Variants in CYP4V2 observed in about 807,000 individuals in gnomAD.
The protein encoded by CYP4V2 is cytochrome P450 4V2.
CYP4V2 carries 55 observed loss-of-function variants against 60.8 expected under a neutral mutation model. That is an observed-to-expected ratio of 0.90 (90% confidence interval 0.73 to 1.13). CYP4V2 has a LOEUF of 1.13. Ranked by LOEUF, CYP4V2 falls within the 50% of genes most tolerant of loss-of-function variation. The pLI, the probability that CYP4V2 is intolerant of heterozygous loss-of-function variation, is 0.00. For missense variants in CYP4V2, 675 were observed against 662.9 expected (o/e 1.02, Z -0.20); for synonymous variants, 239 against 236.8 (o/e 1.01, Z -0.08).
chr4:186,210,108 G>A (rs10028227), intron 10 of CYP4V2, among the ~76,000 whole-genome samples: 352 of 152,238 alleles, frequency 2.3e-3, no homozygotes, highest in African/African-American at 7.8e-3. Context: ...TGCAGACATC[G>A]GTAAAATGAG....
chr4:186,205,051 G>A (rs1044262870), intron 7 of CYP4V2, 149 bp from the exon 8 acceptor site: 5 of 778,622 alleles, frequency 6.4e-6, no homozygotes, highest in South Asian at 3.0e-5. Flanking sequence ...GTTTGTCACC[G>A]AGGCAAGGTG....
intron 4 of CYP4V2, 168 bp downstream of exon 4, chr4:186,197,298 G>T: frequency 1.1e-6 from 1 of 928,954 alleles, no homozygotes; most frequent in Middle Eastern, 2.7e-4. Context: ...GCCACGCCCA[G>T]GGCTGTGAGT....
chr4:186,197,281 A>G, intron 4 of CYP4V2, 151 bp downstream of exon 4: 2 of 1,003,948 alleles, frequency 2.0e-6, no homozygotes, highest in Admixed American at 2.0e-5. Context: ...CCTTCTGAGG[A>G]GCAGCAGCCA....
At chr4:186,204,249 G>A (rs1293170017) in intron 7 of CYP4V2, 1 of 164,044 alleles carries the variant, frequency 6.1e-6, no homozygotes. Flanking sequence ...AGGTGGCGGT[G>A]GAGACGCTAC....
intron 2 of CYP4V2, among the ~76,000 whole-genome samples, chr4:186,194,938 A>G (rs937638569): frequency 2.6e-5 from 4 of 152,222 alleles, no homozygotes; most frequent in Non-Finnish European, 4.4e-5. Flanking sequence ...CTATTTTAAG[A>G]CTTCAAAAAT....
At position 186,191,992 on chromosome 4, in the gene CYP4V2, T is replaced by C. The variant is rs374174110; in HGVS notation, c.169T>C (p.Tyr57His). The part of the protein sequence containing the change: ...MRPIPTVARA[Y>H]PLVGHALLMK... ...GCCCATCCCCACGGTGGCCCGCGCC[T>C]ACCCACTGGTGGGCCACGCGCTGCT... is the stretch of plus-strand genomic sequence containing the variant. The change falls in exon 1 of 11, where the codon TAC becomes CAC. Residue 57 changes from tyrosine (Y) to histidine (H), a missense_variant. Coordinates refer to ENST00000378802, the MANE Select transcript of CYP4V2 (RefSeq NM_207352.4). 815 of 1,584,654 alleles carry C rather than the reference T, an allele frequency of 5.1e-4. No individual in the cohort carries two copies. Among genetic ancestry groups the C allele is most frequent in the Non-Finnish European group, 6.7e-4 (781 of 1,170,176 alleles).
chr4:186,209,212 G>A lies in CYP4V2; in HGVS notation c.1345G>A (p.Ala449Thr). ...FQPERFFPEN[A>T]QGRHPYAYVP... Reference sequence around the variant, plus strand: ...GCCTGAGCGGTTCTTCCCCGAGAATGCACAAGGGCGCCATCCATATGCCTA... The same window carrying A: ...GCCTGAGCGGTTCTTCCCCGAGAATACACAAGGGCGCCATCCATATGCCTA... Residue 449 changes from alanine (A) to threonine (T), a missense_variant, in exon 10 of 11, where the codon GCA (alanine) becomes ACA (threonine). Physicochemically the swap from Ala to Thr is moderately conservative, Grantham distance 58. Transcript: ENST00000378802. 1.2e-6 allele frequency: 2 copies of A among 1,614,006 alleles called. No homozygotes were observed. Among genetic ancestry groups the A allele is most frequent in the Non-Finnish European group, 1.7e-6 (2 of 1,180,002 alleles).
Position 186,195,689 on chromosome 4 carries a change from C to T in CYP4V2, c.328-314C>T, listed in dbSNP as rs185751139. Among the ~76,000 whole-genome samples, 2 of 152,258 alleles carry T rather than the reference C, an allele frequency of 1.3e-5. No individual in the cohort carries two copies. Among genetic ancestry groups the T allele is most frequent in the East Asian group, 1.9e-4 (1 of 5,180 alleles). On this transcript the variant is annotated intron_variant, in intron 2 of 10. Transcript: ENST00000378802. The surrounding 1 kb of genome is among the most constrained non-coding windows in gnomAD (Gnocchi z 4.1). ...CACATGTGCCCACCCTCCAGATTCG[C>T]CTCCTCCCACCTCACTGTCCCCCTC... is the stretch of plus-strand genomic sequence containing the variant.
At position 186,191,726 on chromosome 4, in the gene CYP4V2, G is replaced by T; in HGVS notation, c.-98G>T. Reference sequence around the variant, plus strand: ...GCAGCGGGGAGCGCGCCAGGTCCGCGCGGGGAAGTGGGCGGTGTGCGGCCG... The same window carrying T: ...GCAGCGGGGAGCGCGCCAGGTCCGCTCGGGGAAGTGGGCGGTGTGCGGCCG... On this transcript the variant is annotated 5_prime_UTR_variant, in exon 1 of 11. Transcript: ENST00000378802. 1 of 1,166,462 alleles carries T rather than the reference G, an allele frequency of 8.6e-7. No individual in the cohort carries two copies. The highest frequency in any genetic ancestry group is 1.1e-6 in the Non-Finnish European group (1 of 914,756). The allele number at this position is 1,166,462 out of a possible 1,614,324, so 72.3% of individuals were successfully genotyped here. A position where few individuals can be genotyped will look rare whatever the true frequency, so the allele number is the denominator to read the frequency against.
chr4:186,210,769 A>G lies in CYP4V2; in HGVS notation c.*128A>G, dbSNP rs1228332371. 2 of 1,043,080 alleles carry G rather than the reference A, an allele frequency of 1.9e-6. No homozygotes were observed. The highest frequency in any genetic ancestry group is 1.5e-5 in the South Asian group (1 of 68,414). 64.6% of individuals were successfully genotyped at this position (1,043,080 alleles called of 1,614,324 possible). A position where few individuals can be genotyped will look rare whatever the true frequency, so the allele number is the denominator to read the frequency against. On this transcript the variant is annotated 3_prime_UTR_variant, in exon 11 of 11. Coordinates refer to ENST00000378802, the MANE Select transcript of CYP4V2 (RefSeq NM_207352.4). ...CTAGACCTAATTTTTCCTTGATCCC[A>G]CTGATCTTGACATCAAGTCTAACAA...
At chr4:186,210,320 C>A in intron 10 of CYP4V2, 149 bp from the exon 11 acceptor site, 3 of 922,332 alleles carry the variant, frequency 3.3e-6, no homozygotes, top group Non-Finnish European at 5.0e-6. Flanking sequence ...CAAGACTCTT[C>A]ATCTTTAACA....
At chr4:186,198,916 T>C (rs1212730733) in intron 5 of CYP4V2, 41 bp from the exon 6 acceptor site, 1 of 1,613,366 alleles carries the variant, frequency 6.2e-7, no homozygotes, top group Admixed American at 1.7e-5. Flanking sequence ...GAAATACACA[T>C]TTCTGATACA....
At chr4:186,197,967 G>A (rs545748963) in intron 5 of CYP4V2, among the ~76,000 whole-genome samples, 1 of 152,304 alleles carries the variant, frequency 6.6e-6, no homozygotes, top group South Asian at 2.1e-4. Context: ...CAGAATGTTA[G>A]CAGTGTTTCT....
rs1010858479 is a variant in CYP4V2, at chr4:186,193,301, C to T, written c.215-1199C>T. 7.9e-5 allele frequency among the ~76,000 whole-genome samples: 12 copies of T among 152,274 alleles called. No individual in the cohort carries two copies. The East Asian group carries it at 2.3e-3, about 29-fold the overall frequency. On this transcript the variant is annotated intron_variant, in intron 1 of 10. Transcript: ENST00000378802. ...GTCTCATCATACTGTTTTGGGGATT[C>T]CAGTAATTAAAATCTCTAGTGAATA...
Position 186,201,455 on chromosome 4 carries a change from T to A in CYP4V2, c.987+113T>A, listed in dbSNP as rs1435661438. The stretch of plus-strand genomic sequence containing the variant: ...TTTAAAGTAGTTTAACTAAAGAAGA[T>A]TCATTATATTTTAATTAGAAATTAC... On this transcript the variant is annotated intron_variant, in intron 7 of 10. Transcript: ENST00000378802. 23 of 1,200,132 alleles carry A rather than the reference T, an allele frequency of 1.9e-5. No homozygotes were observed. The South Asian group carries it at 3.1e-4, about 16-fold the overall frequency. The allele number at this position is 1,200,132 out of a possible 1,614,324, so 74.3% of individuals were successfully genotyped here.
chr4:186,196,335 G>A (rs1657004865), intron 3 of CYP4V2: 1 of 533,706 alleles, frequency 1.9e-6, no homozygotes, highest in Admixed American at 3.0e-5. Context: ...TGTTCAGGAA[G>A]ACTCAGGAGG....
At chr4:186,192,169 C>A in intron 1 of CYP4V2, 132 bp downstream of exon 1, 1 of 1,202,350 alleles carries the variant, frequency 8.3e-7, no homozygotes, top group Non-Finnish European at 1.2e-6. Flanking sequence ...GGAGAATGCA[C>A]TCCCAGTTCT....
chr4:186,191,896 G>A lies in CYP4V2; in HGVS notation c.73G>A (p.Ala25Thr), dbSNP rs889469071. 1.0e-5 allele frequency: 16 copies of A among 1,591,424 alleles called. No individual in the cohort carries two copies. Among genetic ancestry groups the A allele is most frequent in the Admixed American group, 3.4e-5 (2 of 58,104 alleles). Reference protein sequence around the residue: ...LWGAASALSLAGASLVLSLLQ... With the variant: ...LWGAASALSLTGASLVLSLLQ... ...GGGCGCGGCGAGTGCCCTTTCCCTGGCCGGCGCCAGTCTGGTCCTGAGCCT... is the reference window on the plus strand; with the variant it reads ...GGGCGCGGCGAGTGCCCTTTCCCTGACCGGCGCCAGTCTGGTCCTGAGCCT... Residue 25 changes from alanine (A) to threonine (T), a missense_variant, in exon 1 of 11, where the codon GCC becomes ACC. Coordinates refer to ENST00000378802, the MANE Select transcript of CYP4V2 (RefSeq NM_207352.4).
chr4:186,210,565 T>C lies in CYP4V2; in HGVS notation c.1502T>C (p.Leu501Pro). Reference protein sequence around the residue: ...ESNQKREELGLEGQLILRPSN... With the variant: ...ESNQKREELGPEGQLILRPSN... ...AACCAGAAAAGAGAAGAGCTTGGTC[T>C]AGAAGGACAGTTGATTCTTCGTCCA... Residue 501 changes from leucine (L) to proline (P), a missense_variant, in exon 11 of 11, where the codon CTA (leucine) becomes CCA (proline). By Grantham distance (98) the Leu-to-Pro change is moderately conservative (BLOSUM62 -3). Transcript: ENST00000378802. 1 of 1,614,214 alleles carries C rather than the reference T, an allele frequency of 6.2e-7. No individual in the cohort carries two copies. The highest frequency in any genetic ancestry group is 8.5e-7 in the Non-Finnish European group (1 of 1,180,030).
Sources: allele counts gnomAD v4.1 joint callset (sites outside exome capture counted in the v4.1 genomes callset), GRCh38; gene constraint gnomAD v4.1.1; non-coding constraint Gnocchi (gnomAD v3.1); transcripts MANE v1.5; gene names NCBI Gene and HGNC (gene_info 2026-07-23, HGNC 2026-07-21).